PLA2R1: variants seen among roughly 807,000 people sequenced by gnomAD.
PLA2R1 encodes phospholipase A2 receptor 1.
PLA2R1 carries 158 observed loss-of-function variants against 195.9 expected under a neutral mutation model. The ratio of observed to expected loss-of-function variants is 0.81; its 90% CI spans 0.71 to 0.92. The LOEUF (loss-of-function observed/expected upper bound fraction) is 0.92. Ranked by LOEUF, PLA2R1 falls within the 40% of genes least tolerant of loss-of-function variation. The pLI, the probability that PLA2R1 is intolerant of heterozygous loss-of-function variation, is 0.00. For missense variants in PLA2R1, 1,626 were observed against 1,764.6 expected, an observed-to-expected ratio of 0.92 and a Z score of 1.41; for synonymous variants, 586 against 598.2, an observed-to-expected ratio of 0.98 and a Z score of 0.30.
At chr2:160,053,349 G>C (rs1000317917) in intron 1 of PLA2R1, among the ~76,000 whole-genome samples, 1 of 8,532 alleles carries the variant, frequency 1.2e-4, no homozygotes, top group East Asian at 3.1e-3. Flanking sequence ...CGAATTTGGT[G>C]GGGGGGGGGG....
chr2:159,962,868 C>T (rs1206434596), intron 20 of PLA2R1, among the ~76,000 whole-genome samples: 1 of 152,060 alleles, frequency 6.6e-6, no homozygotes, highest in Non-Finnish European at 1.5e-5. Context: ...GAACATCACA[C>T]ACCAGGGCCT....
rs746044154 is a variant in PLA2R1 at position 160,045,072 on chromosome 2, C to CTT, written c.193_194dup (p.Gln66SerfsTer20). 3.0e-5 allele frequency: 49 copies of CTT among 1,613,940 alleles called. No individual in the cohort carries two copies. In the South Asian group the frequency reaches 4.6e-4, roughly 15 times the overall value. ...TCCACAGCATGTGCTTGTTTGCTTG[C>CTT]TTGCAGTTCTCCAGGGTCAGAACCG... On this transcript the variant is annotated frameshift_variant, in exon 2 of 30. Coordinates refer to ENST00000283243, the MANE Select transcript of PLA2R1 (RefSeq NM_007366.5). LOFTEE classifies it high-confidence loss of function.
chr2:160,016,481 G>GA, intron 9 of PLA2R1, 133 bp downstream of exon 9: 1 of 537,408 alleles, frequency 1.9e-6, no homozygotes. Flanking sequence ...AGGGGGGGGT[G>GA]CGAGGAGAGA....
At chr2:160,022,233 A>G (rs1195736183) in intron 7 of PLA2R1, among the ~76,000 whole-genome samples, 3 of 152,174 alleles carry the variant, frequency 2.0e-5, no homozygotes, top group African/African-American at 7.2e-5. Flanking sequence ...GAACAGTCTG[A>G]ACATCACCTC....
chr2:160,048,985 C>A (rs954713070), intron 1 of PLA2R1, among the ~76,000 whole-genome samples: 1 of 150,536 alleles, frequency 6.6e-6, no homozygotes, highest in Non-Finnish European at 1.5e-5. Context: ...GGACTACAGG[C>A]GCCCGCCACT....
chr2:159,987,191 A>G lies in PLA2R1; in HGVS notation c.2002T>C (p.Trp668Arg). The change falls in exon 12 of 30, where the codon TGG (tryptophan) becomes CGG (arginine). Residue 668 changes from tryptophan to arginine, a missense_variant. Transcript: ENST00000283243. Reference sequence around the variant, plus strand: ...CTGGCCAGACCAGGCTCTGACTCCCAGTCCAAATAGCAGGGGTGAAAGGGC... The same window carrying G: ...CTGGCCAGACCAGGCTCTGACTCCCGGTCCAAATAGCAGGGGTGAAAGGGC... Reference protein sequence around the residue: ...RWPFHPCYLDWESEPGLASCF... With the variant: ...RWPFHPCYLDRESEPGLASCF... The G allele has an allele frequency of 2.5e-6, 4 of 1,614,048 alleles. No individual in the cohort carries two copies. Among genetic ancestry groups the G allele is most frequent in the Non-Finnish European group, 3.4e-6 (4 of 1,179,928 alleles).
chr2:159,929,974 C>T (rs1413598723), downstream of PLA2R1, among the ~76,000 whole-genome samples: 1 of 151,936 alleles, frequency 6.6e-6, no homozygotes, highest in East Asian at 1.9e-4. Context: ...TAAGTGAAGT[C>T]ACTCAGGAAT....
chr2:159,996,218 T>C (rs1484395881), intron 11 of PLA2R1, among the ~76,000 whole-genome samples: 17 of 152,130 alleles, frequency 1.1e-4, no homozygotes, highest in Admixed American at 7.9e-4. Flanking sequence ...GTAGGTCTAC[T>C]AGCAACAAAT....
intron 23 of PLA2R1, among the ~76,000 whole-genome samples, chr2:159,951,881 T>C (rs1402368850): frequency 6.6e-6 from 1 of 152,224 alleles, no homozygotes; most frequent in Admixed American, 6.5e-5. Context: ...CTGATGGTGA[T>C]CTTCTTAGGT....
intron 10 of PLA2R1, among the ~76,000 whole-genome samples, chr2:160,007,105 CTTTT>C (rs1322297394): frequency 2.0e-5 from 3 of 152,148 alleles, no homozygotes; most frequent in Admixed American, 2.0e-4. Context: ...AAGAAAAGTT[CTTTT>C]TTTAATCCAG....
chr2:160,011,618 G>C (rs929745602), intron 10 of PLA2R1, among the ~76,000 whole-genome samples: 2 of 152,056 alleles, frequency 1.3e-5, no homozygotes, highest in African/African-American at 2.4e-5. Flanking sequence ...GAAACAATTG[G>C]ACTTATTTTC....
chr2:160,059,776 C>T (rs1209841178), intron 1 of PLA2R1, among the ~76,000 whole-genome samples: 3 of 152,136 alleles, frequency 2.0e-5, no homozygotes, highest in South Asian at 2.1e-4. Flanking sequence ...GCACTTCTTA[C>T]GTGGCAGCGG....
intron 12 of PLA2R1, among the ~76,000 whole-genome samples, chr2:159,986,062 T>A (rs1044692879): frequency 1.3e-5 from 2 of 152,102 alleles, no homozygotes; most frequent in Admixed American, 1.3e-4. Flanking sequence ...TCCATCTTCC[T>A]GGGGGTGCTT....
intron 9 of PLA2R1, 72 bp downstream of exon 9, chr2:160,016,542 C>A: frequency 3.9e-6 from 3 of 761,702 alleles, no homozygotes; most frequent in African/African-American, 1.8e-5. Flanking sequence ...AAATTCACTT[C>A]AAATTGATGG....
intron 20 of PLA2R1, among the ~76,000 whole-genome samples, chr2:159,960,603 T>C (rs1388446274): frequency 1.3e-5 from 2 of 152,200 alleles, no homozygotes; most frequent in African/African-American, 4.8e-5. Context: ...TAAAAATATG[T>C]AAGTAGAAGC....
In PLA2R1 at chr2:160,062,404, C is replaced by G; in HGVS notation, c.-1G>C. On this transcript the variant is annotated 5_prime_UTR_variant, in exon 1 of 30. Coordinates refer to ENST00000283243, the MANE Select transcript of PLA2R1 (RefSeq NM_007366.5). ...GCAGCAGCGACGGCGACAGCAGCAT[C>G]GCTAACCACTGGGCTCTCCGGGAGC... 6.5e-7 allele frequency: 1 copy of G among 1,540,218 alleles called. No homozygotes were observed.
chr2:160,015,245 G>A (rs1305792484), intron 9 of PLA2R1, among the ~76,000 whole-genome samples: 1 of 152,174 alleles, frequency 6.6e-6, no homozygotes, highest in Non-Finnish European at 1.5e-5. Flanking sequence ...AAGTGACTCA[G>A]AAGGAAAAAC....
At chr2:159,947,624 A>G in intron 25 of PLA2R1, 65 bp from the exon 26 acceptor site, 3 of 1,371,190 alleles carry the variant, frequency 2.2e-6, no homozygotes, top group Non-Finnish European at 3.1e-6. Flanking sequence ...GATAAATATT[A>G]CATTACATTC....
chr2:160,002,978 A>G (rs1341712371), intron 11 of PLA2R1, among the ~76,000 whole-genome samples: 1 of 152,050 alleles, frequency 6.6e-6, no homozygotes, highest in Admixed American at 6.5e-5. Context: ...TTTCAGCTAC[A>G]TTGATTCTAT....
Sources: allele counts gnomAD v4.1 joint callset (sites outside exome capture counted in the v4.1 genomes callset), GRCh38; gene constraint gnomAD v4.1.1; transcripts MANE v1.5; gene names NCBI Gene and HGNC (gene_info 2026-07-23, HGNC 2026-07-21).